DOCK1: variants seen among roughly 807,000 people sequenced by gnomAD.
DOCK1 encodes dedicator of cytokinesis 1, also known as dedicator of cytokinesis protein 1.
In DOCK1, 138 loss-of-function variants were observed where a neutral mutation model predicts 262.7. That is an observed-to-expected ratio of 0.53 (90% CI 0.46 to 0.61). DOCK1 has a LOEUF of 0.61. Ranked by LOEUF, DOCK1 falls within the 20% of genes least tolerant of loss-of-function variation. DOCK1 has a pLI of 0.00. For missense variants in DOCK1, 1,908 were observed against 2,370.7 expected (o/e 0.80, Z 4.05); for synonymous variants, 866 against 867.4 (o/e 1.00, Z 0.03).
At chr10:126,983,673 C>G (rs138439584) in intron 4 of DOCK1, among the ~76,000 whole-genome samples, 2 of 152,248 alleles carry the variant, frequency 1.3e-5, no homozygotes, top group African/African-American at 4.8e-5. Flanking sequence ...TTGCAAGGCT[C>G]TCTCTCATGT....
At chr10:126,956,953 C>T (rs2036788708) in intron 1 of DOCK1, among the ~76,000 whole-genome samples, 1 of 152,092 alleles carries the variant, frequency 6.6e-6, no homozygotes, top group Non-Finnish European at 1.5e-5. Flanking sequence ...CCAGAGCCCA[C>T]AGGGAGGAGG....
chr10:127,331,949 T>A (rs2063001789), intron 29 of DOCK1, among the ~76,000 whole-genome samples: 1 of 152,184 alleles, frequency 6.6e-6, no homozygotes, highest in South Asian at 2.1e-4. Context: ...TAGGGGGTGC[T>A]CACCAAATGC....
intron 23 of DOCK1, among the ~76,000 whole-genome samples, chr10:127,102,769 G>A (rs536885542): frequency 7.7e-4 from 117 of 152,322 alleles, no homozygotes; most frequent in Admixed American, 1.4e-3. Context: ...GAACCCGGGG[G>A]GTGGAAGTTG....
At chr10:127,033,232 C>T (rs563793362) in intron 18 of DOCK1, among the ~76,000 whole-genome samples, 7 of 147,424 alleles carry the variant, frequency 4.7e-5, no homozygotes, top group African/African-American at 1.2e-4. Flanking sequence ...TAGCCCTACT[C>T]GTGCTGTGGG....
chr10:127,205,668 G>C (rs2057686325), intron 27 of DOCK1, among the ~76,000 whole-genome samples: 1 of 152,192 alleles, frequency 6.6e-6, no homozygotes, highest in Admixed American at 6.5e-5. Context: ...TATTTTGTTA[G>C]TATTTAAAGG....
At chr10:126,913,757 T>C (rs923657273) in intron 1 of DOCK1, among the ~76,000 whole-genome samples, 13 of 152,126 alleles carry the variant, frequency 8.5e-5, no homozygotes, top group African/African-American at 3.1e-4. Context: ...GAATTTTCAT[T>C]TGGGTGCCTT....
At chr10:126,922,658 A>G (rs1463103653) in intron 1 of DOCK1, among the ~76,000 whole-genome samples, 1 of 152,192 alleles carries the variant, frequency 6.6e-6, no homozygotes, top group Non-Finnish European at 1.5e-5. Context: ...AAATGGTATC[A>G]GTGACTTTGG....
intron 38 of DOCK1, among the ~76,000 whole-genome samples, chr10:127,397,732 G>GAGCAGCGACTCCTGTATGACACA (rs2066986363): frequency 1.1e-5 from 1 of 91,664 alleles, no homozygotes; most frequent in Non-Finnish European, 2.3e-5. Context: ...TGTGTGACCC[G>GAGCAGCGACTCCTGTATGACACA]GGCAGCGACT....
intron 10 of DOCK1, among the ~76,000 whole-genome samples, chr10:127,005,498 A>G (rs1485063453): frequency 6.6e-6 from 1 of 152,224 alleles, no homozygotes; most frequent in African/African-American, 2.4e-5. Flanking sequence ...AACAGAGTTC[A>G]GTTCCTTAAA....
At chr10:127,127,054 C>G (rs2050008610) in intron 26 of DOCK1, among the ~76,000 whole-genome samples, 1 of 152,138 alleles carries the variant, frequency 6.6e-6, no homozygotes, top group African/African-American at 2.4e-5. Context: ...TGGAGAAAAG[C>G]TTGGGGTAAG....
intron 23 of DOCK1, among the ~76,000 whole-genome samples, chr10:127,066,823 A>C (rs1806798151): frequency 6.6e-6 from 1 of 152,264 alleles, no homozygotes. Flanking sequence ...TGATGAAGAC[A>C]CTGAGGCCTA....
intron 18 of DOCK1, among the ~76,000 whole-genome samples, chr10:127,033,165 C>T (rs1056923724): frequency 6.6e-6 from 1 of 152,036 alleles, no homozygotes; most frequent in African/African-American, 2.4e-5. Context: ...CTCAGCTACT[C>T]TCTGAGATAA....
At chr10:126,947,167 A>G (rs1166536698) in intron 1 of DOCK1, among the ~76,000 whole-genome samples, 1 of 152,194 alleles carries the variant, frequency 6.6e-6, no homozygotes, top group Non-Finnish European at 1.5e-5. Flanking sequence ...GTGGTATTCC[A>G]TGGTGTTTCT....
intron 28 of DOCK1, among the ~76,000 whole-genome samples, chr10:127,255,559 G>A (rs893141140): frequency 5.3e-5 from 8 of 152,140 alleles, no homozygotes; most frequent in Non-Finnish European, 7.3e-5. Flanking sequence ...AGGGGCCACC[G>A]CCATGGCTAG....
At chr10:127,411,863 G>A (rs927660602) in intron 43 of DOCK1, among the ~76,000 whole-genome samples, 1 of 152,154 alleles carries the variant, frequency 6.6e-6, no homozygotes, top group Non-Finnish European at 1.5e-5. Context: ...TCCAGACATT[G>A]CAAAATAAAA....
intron 10 of DOCK1, among the ~76,000 whole-genome samples, chr10:127,005,731 A>G (rs1033258129): frequency 1.3e-5 from 2 of 152,178 alleles, no homozygotes; most frequent in Non-Finnish European, 2.9e-5. Flanking sequence ...TTATTCTGAT[A>G]TGTTTGTTTC....
intron 12 of DOCK1, among the ~76,000 whole-genome samples, chr10:127,018,305 C>T (rs2135403854): frequency 6.6e-6 from 1 of 152,350 alleles, no homozygotes; most frequent in South Asian, 2.1e-4. Flanking sequence ...CTCCAGAATC[C>T]TCCCCTGCCT....
chr10:127,327,430 G>A (rs181422645), intron 29 of DOCK1, among the ~76,000 whole-genome samples: 5 of 152,198 alleles, frequency 3.3e-5, no homozygotes, highest in African/African-American at 1.2e-4. Context: ...ATCAACCTCT[G>A]GTAGCTTCAA....
intron 29 of DOCK1, among the ~76,000 whole-genome samples, chr10:127,307,641 G>A (rs1248013614): frequency 1.3e-5 from 2 of 152,176 alleles, no homozygotes; most frequent in Admixed American, 6.5e-5. Context: ...CCTGCCCTGG[G>A]TGGGCCTGGC....
Sources: gnomAD v4.1 joint callset for allele counts (sites outside exome capture counted in the v4.1 genomes callset) on GRCh38, gnomAD v4.1.1 for gene constraint, MANE v1.5 for transcripts, NCBI Gene and HGNC (gene_info 2026-07-23, HGNC 2026-07-21) for gene names.